GFRA2: variants seen among roughly 807,000 people sequenced by gnomAD.
GFRA2 encodes the protein GDNF family receptor alpha 2, also known as GDNF family receptor alpha-2.
GFRA2 carries 17 observed loss-of-function variants against 48.3 expected under a neutral mutation model. That is an observed-to-expected ratio of 0.35 (90% CI 0.24 to 0.53). GFRA2 has a LOEUF of 0.53. Among genes scored for constraint, GFRA2 ranks in the 20% least tolerant of loss-of-function variants. GFRA2 has a pLI of 0.93. For missense variants in GFRA2, 660 were observed against 637.3 expected, an observed-to-expected ratio of 1.04 and a Z score of -0.38; for synonymous variants, 305 against 257.2, an observed-to-expected ratio of 1.19 and a Z score of -1.78.
At chr8:21,806,033 C>T (rs1427810276) in intron 1 of GFRA2, among the ~76,000 whole-genome samples, 1 of 152,214 alleles carries the variant, frequency 6.6e-6, no homozygotes, top group African/African-American at 2.4e-5. Flanking sequence ...GGTAAACGAC[C>T]TCTTGCTGGT....
intron 2 of GFRA2, among the ~76,000 whole-genome samples, chr8:21,777,742 C>T (rs1345904746): frequency 6.6e-6 from 1 of 152,164 alleles, no homozygotes; most frequent in African/African-American, 2.4e-5. Context: ...CGTGGGATCG[C>T]CCCCAAGACA....
At chr8:21,771,891 C>T (rs1400155717) in intron 3 of GFRA2, among the ~76,000 whole-genome samples, 3 of 152,072 alleles carry the variant, frequency 2.0e-5, no homozygotes, top group African/African-American at 7.2e-5. Flanking sequence ...GGAGGGGCTT[C>T]CCACGGGATT....
intron 7 of GFRA2, among the ~76,000 whole-genome samples, chr8:21,697,605 G>A (rs1802272960): frequency 6.6e-6 from 1 of 152,136 alleles, no homozygotes; most frequent in African/African-American, 2.4e-5. Flanking sequence ...GTGCCTCCCT[G>A]CCCTCCAGGG....
chr8:21,812,211 G>C (rs536156315), intron 1 of GFRA2: 2 of 152,424 alleles, frequency 1.3e-5, no homozygotes, highest in East Asian at 1.9e-4. Flanking sequence ...GTCTCACTTG[G>C]ATGCAGACAA....
intron 4 of GFRA2, among the ~76,000 whole-genome samples, chr8:21,707,072 A>G (rs1302703791): frequency 1.3e-5 from 2 of 152,110 alleles, no homozygotes; most frequent in Non-Finnish European, 2.9e-5. Flanking sequence ...CATATCAACT[A>G]TGTCTCACAG....
intron 4 of GFRA2, among the ~76,000 whole-genome samples, chr8:21,729,470 CAG>C (rs1482356571): frequency 6.6e-6 from 1 of 152,160 alleles, no homozygotes; most frequent in Admixed American, 6.5e-5. Context: ...AAGAAGGTCT[CAG>C]AGAGTGAAAG....
chr8:21,804,832 T>G (rs1807830977), intron 2 of GFRA2, among the ~76,000 whole-genome samples: 1 of 152,174 alleles, frequency 6.6e-6, no homozygotes, highest in Non-Finnish European at 1.5e-5. Flanking sequence ...GCCTCATTGG[T>G]GAATGGCCCC....
rs1362041404 is a variant in GFRA2 at position 21,777,261 on chromosome 8, A to C, written c.356-2206T>G. On this transcript the variant is annotated intron_variant, in intron 2 of 8. Coordinates refer to ENST00000524240, the MANE Select transcript of GFRA2 (RefSeq NM_001495.5). ...TATCGGAACCAAGTCATTCCTAAAT[A>C]AGTACTGTTGTTCCCCTTTTCCCAA... 1.7e-4 allele frequency among the ~76,000 whole-genome samples: 26 copies of C among 152,288 alleles called. No individual in the cohort carries two copies. The East Asian group carries it at 4.8e-3, about 28-fold the overall frequency.
At chr8:21,737,712 C>T (rs1804540572) in intron 4 of GFRA2, among the ~76,000 whole-genome samples, 1 of 152,182 alleles carries the variant, frequency 6.6e-6, no homozygotes. Context: ...GCCTCCCTCC[C>T]TCTGGTCCCC....
At chr8:21,803,700 A>G (rs1269450456) in intron 2 of GFRA2, among the ~76,000 whole-genome samples, 1 of 152,222 alleles carries the variant, frequency 6.6e-6, no homozygotes, top group Non-Finnish European at 1.5e-5. Flanking sequence ...TGGCACAATC[A>G]TAGCTCACTG....
chr8:21,797,537 C>G (rs1807699529), intron 2 of GFRA2: 1 of 152,196 alleles, frequency 6.6e-6, no homozygotes, highest in African/African-American at 2.4e-5. Context: ...TCAGCTCCCT[C>G]TCACTCACAG....
intron 3 of GFRA2, among the ~76,000 whole-genome samples, chr8:21,759,670 G>A (rs1805800462): frequency 6.6e-6 from 1 of 152,100 alleles, no homozygotes; most frequent in African/African-American, 2.4e-5. Context: ...AGGTGGATCA[G>A]TGAAGGCCAG....
chr8:21,795,642 C>T (rs1035077621), intron 2 of GFRA2, among the ~76,000 whole-genome samples: 18 of 152,334 alleles, frequency 1.2e-4, no homozygotes, highest in Admixed American at 3.3e-4. Context: ...ATCCACCCAC[C>T]TCGGCCTCCC....
At chr8:21,740,205 C>T (rs1804683265) in intron 4 of GFRA2, among the ~76,000 whole-genome samples, 1 of 152,184 alleles carries the variant, frequency 6.6e-6, no homozygotes, top group African/African-American at 2.4e-5. Context: ...CCTTCCTCGA[C>T]CTCACTCCAC....
intron 7 of GFRA2, among the ~76,000 whole-genome samples, chr8:21,700,938 CTCAA>C (rs1802442549): frequency 6.6e-6 from 1 of 152,162 alleles, no homozygotes; most frequent in African/African-American, 2.4e-5. Flanking sequence ...CACAAAGCCA[CTCAA>C]TCAGAGATGG....
At chr8:21,711,200 T>TG (rs1357375347) in intron 4 of GFRA2, among the ~76,000 whole-genome samples, 2 of 152,264 alleles carry the variant, frequency 1.3e-5, no homozygotes, top group Non-Finnish European at 2.9e-5. Context: ...TCCTGGACTC[T>TG]GGTCTTGCTG....
intron 7 of GFRA2, among the ~76,000 whole-genome samples, chr8:21,695,826 C>T (rs1802137737): frequency 6.6e-6 from 1 of 152,152 alleles, no homozygotes; most frequent in Non-Finnish European, 1.5e-5. Flanking sequence ...TCCCGAGTCC[C>T]TTGGCCAATC....
At chr8:21,759,628 C>G (rs867570221) in intron 3 of GFRA2, among the ~76,000 whole-genome samples, 1 of 151,980 alleles carries the variant, frequency 6.6e-6, no homozygotes, top group Admixed American at 6.6e-5. Context: ...GTGCTTCACA[C>G]CTGTAACCCC....
In GFRA2 at chr8:21,693,267, G is replaced by T. The variant is rs1483830559; in HGVS notation, c.*11C>A. 2.5e-6 allele frequency: 4 copies of T among 1,602,698 alleles called. No individual in the cohort carries two copies. The Admixed American group carries it at 6.9e-5, about 28-fold the overall frequency. On this transcript the variant is annotated 3_prime_UTR_variant, in exon 9 of 9. Transcript: ENST00000524240. Reference sequence around the variant, plus strand: ...TAGCTTTCAAAAATATTCTGACTCGGTTCCCACAGCCTACAAGGCCAGTTT... The same window carrying T: ...TAGCTTTCAAAAATATTCTGACTCGTTTCCCACAGCCTACAAGGCCAGTTT...
Sources: allele counts gnomAD v4.1 joint callset (sites outside exome capture counted in the v4.1 genomes callset), GRCh38; gene constraint gnomAD v4.1.1; transcripts MANE v1.5; gene names NCBI Gene and HGNC (gene_info 2026-07-23, HGNC 2026-07-21).